Variants in CHLSN observed in about 807,000 individuals in gnomAD.
CHLSN encodes protein cholesin.
the CHLSN span, chr7:1,023,101 T>C: frequency 2.4e-6 from 1 of 410,664 alleles, no homozygotes; most frequent in Admixed American, 2.9e-5. This position sits in a 1 kb window ranked among gnomAD's most constrained non-coding sequence, Gnocchi z 5.0. Flanking sequence ...GCCGTGGCAA[T>C]GGGTGGCACC....
At chr7:1,035,253 T>C in the CHLSN span, among the ~76,000 whole-genome samples, 1 of 152,298 alleles carries the variant, frequency 6.6e-6, no homozygotes, top group Non-Finnish European at 1.5e-5. Context: ...GCTGGTGTCA[T>C]GTCTTTGCTA....
the CHLSN span, among the ~76,000 whole-genome samples, chr7:1,076,587 G>A: frequency 8.5e-5 from 13 of 152,390 alleles, no homozygotes; most frequent in East Asian, 1.9e-4. Context: ...CACAAGCACC[G>A]GGGAGGGATG....
the CHLSN span, chr7:989,128 C>T: frequency 2.6e-6 from 1 of 390,590 alleles, no homozygotes; most frequent in Non-Finnish European, 4.6e-6. Flanking sequence ...CACCTAGCTC[C>T]CCCCAGGGCC....
the CHLSN span, among the ~76,000 whole-genome samples, chr7:1,120,681 A>C: frequency 1.3e-5 from 2 of 152,244 alleles, no homozygotes; most frequent in Non-Finnish European, 2.9e-5. Context: ...TCACAGATGC[A>C]AATGTTCACA....
the CHLSN span, among the ~76,000 whole-genome samples, chr7:1,134,825 C>T: frequency 6.6e-6 from 1 of 151,948 alleles, no homozygotes; most frequent in Non-Finnish European, 1.5e-5. Context: ...TGCAGTGAGC[C>T]GAGATCGCAC....
At chr7:1,098,861 A>G in the CHLSN span, among the ~76,000 whole-genome samples, 1 of 152,226 alleles carries the variant, frequency 6.6e-6, no homozygotes, top group Non-Finnish European at 1.5e-5. Flanking sequence ...CTGACAGGCA[A>G]TGGAGTTTCC....
chr7:1,081,577 G>C, the CHLSN span, among the ~76,000 whole-genome samples: 1 of 152,236 alleles, frequency 6.6e-6, no homozygotes, highest in African/African-American at 2.4e-5. Flanking sequence ...TGAGACCCAG[G>C]GCTCAGGTCA....
the CHLSN span, among the ~76,000 whole-genome samples, chr7:1,062,301 T>C: frequency 6.6e-6 from 1 of 152,196 alleles, no homozygotes; most frequent in South Asian, 2.1e-4. Flanking sequence ...TCTTCTTTCA[T>C]ACACAGCACA....
chr7:986,667 A>C, the CHLSN span: 1 of 1,612,640 alleles, frequency 6.2e-7, no homozygotes, highest in Non-Finnish European at 8.5e-7. Flanking sequence ...CTCCAGCTGC[A>C]CCGGCCCGTC....
the CHLSN span, among the ~76,000 whole-genome samples, chr7:1,130,198 C>T: frequency 3.9e-5 from 6 of 152,348 alleles, no homozygotes; most frequent in South Asian, 4.1e-4. Context: ...CAGAACACCA[C>T]GCCAGGACGG....
the CHLSN span, among the ~76,000 whole-genome samples, chr7:1,101,885 T>A: frequency 6.6e-6 from 1 of 152,250 alleles, no homozygotes; most frequent in Non-Finnish European, 1.5e-5. Flanking sequence ...GGCTCGCTCC[T>A]GAGTCTTGGC....
At chr7:986,926 C>G in the CHLSN span, 1 of 1,322,026 alleles carries the variant, frequency 7.6e-7, no homozygotes, top group East Asian at 2.6e-5. Flanking sequence ...GGGGGCCTCT[C>G]AGAGCCTCAG....
At chr7:1,022,773 A>G in the CHLSN span, among the ~76,000 whole-genome samples, 1 of 152,056 alleles carries the variant, frequency 6.6e-6, no homozygotes, top group Non-Finnish European at 1.5e-5. Flanking sequence ...CTCCCCAGTT[A>G]CTTCCTCCCT....
At chr7:1,010,083 T>C in the CHLSN span, 1 of 1,612,912 alleles carries the variant, frequency 6.2e-7, no homozygotes. Context: ...TCCAGGACCC[T>C]CTGCTCCTCT....
At chr7:1,029,489 C>T in the CHLSN span, among the ~76,000 whole-genome samples, 1 of 152,208 alleles carries the variant, frequency 6.6e-6, no homozygotes, top group Non-Finnish European at 1.5e-5. Context: ...GCTGGAACTC[C>T]TGGACTCATG....
chr7:1,102,203 G>A, the CHLSN span, among the ~76,000 whole-genome samples: 17 of 152,378 alleles, frequency 1.1e-4, no homozygotes, highest in African/African-American at 3.6e-4. Context: ...TCCGTCCAAA[G>A]TCCACCCACG....
the CHLSN span, among the ~76,000 whole-genome samples, chr7:1,064,119 T>TGCACACATATGCAAGCAC: frequency 1.3e-5 from 2 of 152,140 alleles, no homozygotes; most frequent in South Asian, 4.1e-4. Context: ...CGTGCAAGCA[T>TGCACACATATGCAAGCAC]GCACACATAT....
At chr7:1,023,446 C>T in the CHLSN span, among the ~76,000 whole-genome samples, 1 of 152,020 alleles carries the variant, frequency 6.6e-6, no homozygotes, top group Admixed American at 6.5e-5. The surrounding 1 kb of genome is among the most constrained non-coding windows in gnomAD (Gnocchi z 5.0). Context: ...CCCAGCGCCC[C>T]TCTGACAGCA....
chr7:1,081,138 C>T, the CHLSN span, among the ~76,000 whole-genome samples: 1 of 152,256 alleles, frequency 6.6e-6, no homozygotes, highest in Non-Finnish European at 1.5e-5. Flanking sequence ...AGGGCTTGGT[C>T]CCTCCCCGCG....
Sources: allele counts gnomAD v4.1 joint callset (sites outside exome capture counted in the v4.1 genomes callset), GRCh38; gene constraint gnomAD v4.1.1; non-coding constraint Gnocchi (gnomAD v3.1); transcripts MANE v1.5; gene names NCBI Gene and HGNC (gene_info 2026-07-23, HGNC 2026-07-21).